The following CNOT6L variants were observed in gnomAD, a reference collection of about 807,000 sequenced individuals.
The protein encoded by CNOT6L is CCR4-NOT transcription complex subunit 6-like.
CNOT6L carries 7 observed loss-of-function variants against 64.0 expected under a neutral mutation model. The ratio of observed to expected loss-of-function variants is 0.11; its 90% confidence interval spans 0.06 to 0.21. CNOT6L has a LOEUF of 0.21. Among genes scored for constraint, CNOT6L ranks in the 10% least tolerant of loss-of-function variants. The probability of loss-of-function intolerance (pLI) is 1.00; values close to 1 mark genes in which losing one functional copy is unlikely to be tolerated. For missense variants in CNOT6L, 245 were observed against 669.0 expected (o/e 0.37, Z 6.99); for synonymous variants, 193 against 243.4 (o/e 0.79, Z 1.93).
intron 1 of CNOT6L, among the ~76,000 whole-genome samples, chr4:77,798,414 C>G (rs1018264356): frequency 9.9e-5 from 15 of 151,994 alleles, no homozygotes; most frequent in African/African-American, 3.1e-4. Flanking sequence ...ACATAAAGAA[C>G]TGTCAAAATT....
chr4:77,785,191 C>G (rs1729297154), intron 1 of CNOT6L, among the ~76,000 whole-genome samples: 1 of 152,114 alleles, frequency 6.6e-6, no homozygotes. Flanking sequence ...GATTTTTCAA[C>G]AAATGGTGCT....
chr4:77,772,978 C>T (rs1337306625), intron 4 of CNOT6L, 103 bp downstream of exon 4: 21 of 678,226 alleles, frequency 3.1e-5, no homozygotes, highest in South Asian at 2.4e-4. Flanking sequence ...AGAAAGTACA[C>T]GTAGTCACAT....
intron 1 of CNOT6L, among the ~76,000 whole-genome samples, chr4:77,798,337 A>C (rs1301753120): frequency 6.6e-6 from 1 of 152,238 alleles, no homozygotes; most frequent in Non-Finnish European, 1.5e-5. Context: ...TTTTAAAAAA[A>C]GAAAATAACC....
intron 1 of CNOT6L, among the ~76,000 whole-genome samples, chr4:77,815,879 G>T (rs1457229991): frequency 6.6e-6 from 1 of 152,170 alleles, no homozygotes; most frequent in Admixed American, 6.5e-5. Context: ...TGTCATGAAA[G>T]CAAGTAAACT....
At chr4:77,805,240 AT>A (rs995256313) in intron 1 of CNOT6L, among the ~76,000 whole-genome samples, 15 of 151,768 alleles carry the variant, frequency 9.9e-5, no homozygotes, top group African/African-American at 2.4e-4. Context: ...TACCATTTGA[AT>A]TTTTTTTTAC....
intron 8 of CNOT6L, among the ~76,000 whole-genome samples, chr4:77,741,913 T>C (rs1018114891): frequency 1.3e-5 from 2 of 152,178 alleles, no homozygotes; most frequent in East Asian, 3.9e-4. Flanking sequence ...CTGTATCTCT[T>C]AAAATGTTCA....
chr4:77,759,817 A>G (rs1725978328), intron 4 of CNOT6L, among the ~76,000 whole-genome samples: 1 of 152,238 alleles, frequency 6.6e-6, no homozygotes, highest in Non-Finnish European at 1.5e-5. Flanking sequence ...TATTATTTAC[A>G]TAATACTCCA....
At chr4:77,722,841 T>A (rs896283837) in intron 11 of CNOT6L, among the ~76,000 whole-genome samples, 8 of 152,174 alleles carry the variant, frequency 5.3e-5, no homozygotes, top group African/African-American at 1.9e-4. Context: ...GACTAATGAT[T>A]TTTAACCCTT....
Position 77,810,017 on chromosome 4 carries a change from T to C in CNOT6L, c.5+9287A>G, listed in dbSNP as rs558419701. Among the ~76,000 whole-genome samples, 74 of 151,074 alleles carry C rather than the reference T, an allele frequency of 4.9e-4. 2 individuals carry two copies. Among genetic ancestry groups the C allele is most frequent in the Non-Finnish European group, 4.3e-4 (29 of 67,686 alleles). On this transcript the variant is annotated intron_variant, in intron 1 of 11. Transcript: ENST00000504123. Reference sequence around the variant, plus strand: ...ATTAGACTACTTATTTCTTTAAAAATAATAATAAATTGTATCTGTATCAAA... The same window carrying C: ...ATTAGACTACTTATTTCTTTAAAAACAATAATAAATTGTATCTGTATCAAA...
chr4:77,745,166 T>A (rs1444923236), intron 6 of CNOT6L, among the ~76,000 whole-genome samples: 1 of 152,222 alleles, frequency 6.6e-6, no homozygotes, highest in East Asian at 1.9e-4. Context: ...TTTTTGCTTA[T>A]AACTTTGAGA....
Position 77,716,226 on chromosome 4 carries a change from A to C in CNOT6L, c.*4205T>G, listed in dbSNP as rs935787034. The C allele has an allele frequency of 1.3e-5, 2 of 152,122 alleles. No individual in the cohort carries two copies. The highest frequency in any genetic ancestry group is 4.8e-5 in the African/African-American group (2 of 41,458). 9.4% of individuals were successfully genotyped at this position (152,122 alleles called of 1,614,324 possible). On this transcript the variant is annotated 3_prime_UTR_variant, in exon 12 of 12. Transcript: ENST00000504123. The stretch of plus-strand genomic sequence containing the variant: ...GAGTGCTATTTTGAAAATGTGCCAT[A>C]AAGTCTTTGCTTGCTATAAAAACCA...
chr4:77,797,316 G>T (rs1037583073), intron 1 of CNOT6L, among the ~76,000 whole-genome samples: 1 of 151,836 alleles, frequency 6.6e-6, no homozygotes, highest in Non-Finnish European at 1.5e-5. Flanking sequence ...GTAGCCAACA[G>T]GGTCAAAAGA....
intron 1 of CNOT6L, among the ~76,000 whole-genome samples, chr4:77,807,562 G>A (rs968276288): frequency 5.9e-5 from 9 of 152,148 alleles, no homozygotes; most frequent in Non-Finnish European, 1.3e-4. Context: ...ACCAGAGGCA[G>A]ATTATTAAAG....
intron 1 of CNOT6L, among the ~76,000 whole-genome samples, chr4:77,784,083 C>T (rs1729180496): frequency 6.6e-6 from 1 of 152,014 alleles, no homozygotes; most frequent in African/African-American, 2.4e-5. Flanking sequence ...AGATAACTTA[C>T]AGGAAGCTTC....
chr4:77,810,529 T>C (rs1732802368), intron 1 of CNOT6L, among the ~76,000 whole-genome samples: 1 of 152,156 alleles, frequency 6.6e-6, no homozygotes, highest in Non-Finnish European at 1.5e-5. Flanking sequence ...AATTGGCACA[T>C]AATTGTATAT....
At chr4:77,765,420 T>C (rs990114887) in intron 4 of CNOT6L, among the ~76,000 whole-genome samples, 20 of 152,142 alleles carry the variant, frequency 1.3e-4, no homozygotes, top group Non-Finnish European at 1.2e-4. Flanking sequence ...ATTGAAATAG[T>C]AGTTAACATC....
chr4:77,794,479 C>A (rs896178723), intron 1 of CNOT6L, among the ~76,000 whole-genome samples: 1 of 152,030 alleles, frequency 6.6e-6, no homozygotes, highest in Non-Finnish European at 1.5e-5. Context: ...GTTGATTTAA[C>A]GTTCAAAATA....
chr4:77,808,287 C>A (rs1183146258), intron 1 of CNOT6L, among the ~76,000 whole-genome samples: 1 of 151,742 alleles, frequency 6.6e-6, no homozygotes, highest in Non-Finnish European at 1.5e-5. Context: ...CGTGGTGAAA[C>A]CCCATCTCCA....
upstream of CNOT6L, chr4:77,819,461 G>C: frequency 6.8e-7 from 1 of 1,475,020 alleles, no homozygotes; most frequent in Non-Finnish European, 9.1e-7. Context: ...AAACACCCAC[G>C]GCGGGCCTCG....
Sources: gnomAD v4.1 joint callset for allele counts (sites outside exome capture counted in the v4.1 genomes callset) on GRCh38, gnomAD v4.1.1 for gene constraint, MANE v1.5 for transcripts, NCBI Gene and HGNC (gene_info 2026-07-23, HGNC 2026-07-21) for gene names.